The following ZNF391 variants were observed in gnomAD, a reference collection of about 807,000 sequenced individuals.
The protein encoded by ZNF391 is zinc finger protein 391.
For missense variants in ZNF391, 375 were observed against 425.5 expected (o/e 0.88, Z 1.04); for synonymous variants, 126 against 142.1 (o/e 0.89, Z 0.80).
rs1347168259 is a variant in ZNF391 at position 27,401,027 on chromosome 6, G to C, written c.657G>C (p.Arg219Ser). Residue 219 changes from arginine (R) to serine (S), a missense_variant, in exon 3 of 3, where the codon AGG (arginine) becomes AGC (serine). Physicochemically the swap from Arg to Ser is moderately radical, Grantham distance 110 (BLOSUM62 -1). Coordinates refer to ENST00000244576, the MANE Select transcript of ZNF391 (RefSeq NM_001076781.3). ...SQHQRTHTQE[R>S]PYKCNECGKA... Reference sequence around the variant, plus strand: ...ATCAGCGAACTCATACTCAAGAAAGGCCTTACAAATGTAATGAATGTGGGA... The same window carrying C: ...ATCAGCGAACTCATACTCAAGAAAGCCCTTACAAATGTAATGAATGTGGGA... 1 of 1,614,048 alleles carries C rather than the reference G, an allele frequency of 6.2e-7. No individual in the cohort carries two copies. Among genetic ancestry groups the C allele is most frequent in the Non-Finnish European group, 8.5e-7 (1 of 1,180,040 alleles).
At chr6:27,397,370 T>C (rs1761850277) in intron 1 of ZNF391, among the ~76,000 whole-genome samples, 1 of 152,028 alleles carries the variant, frequency 6.6e-6, no homozygotes, top group Non-Finnish European at 1.5e-5. Context: ...GCTAAACCAA[T>C]CAGGAGGAAA....
Position 27,400,496 on chromosome 6 carries a change from G to A in ZNF391, c.126G>A (p.Val42=). Residue 42 remains valine (V), a synonymous_variant, in exon 3 of 3, where the codon GTG becomes GTA. Transcript: ENST00000244576. ...AGAAATCCTCTTTTGAGAACACAGT[G>A]GTCAGAAAAGTGTCAGTGACACTCA... ...AQKKSSFENT[V]VRKVSVTLKE... 6.2e-7 allele frequency: 1 copy of A among 1,614,136 alleles called. No homozygotes were observed. The highest frequency in any genetic ancestry group is 1.7e-5 in the Admixed American group (1 of 60,016).
chr6:27,393,203 G>A (rs1013480125), intron 1 of ZNF391, among the ~76,000 whole-genome samples: 4 of 152,156 alleles, frequency 2.6e-5, no homozygotes, highest in Non-Finnish European at 5.9e-5. Context: ...TTGAATATGT[G>A]TCTCCACCAA....
intron 1 of ZNF391, among the ~76,000 whole-genome samples, chr6:27,375,384 A>G (rs1350547570): frequency 1.3e-5 from 2 of 152,214 alleles, no homozygotes; most frequent in Non-Finnish European, 2.9e-5. Context: ...TGACACCTCC[A>G]CTGTGACTAG....
At chr6:27,400,213 G>T in intron 2 of ZNF391, 80 bp from the exon 3 acceptor site, 4 of 590,556 alleles carry the variant, frequency 6.8e-6, no homozygotes, top group Middle Eastern at 4.5e-4. Context: ...ATTCAAATTA[G>T]TTGTCTTTTC....
At chr6:27,398,062 C>T (rs1372761110) in intron 1 of ZNF391, among the ~76,000 whole-genome samples, 1 of 152,184 alleles carries the variant, frequency 6.6e-6, no homozygotes, top group Non-Finnish European at 1.5e-5. Context: ...CAGACAGCAT[C>T]ATCCTGTTAC....
Position 27,389,019 on chromosome 6 carries a change from G to C in ZNF391, c.-244G>C. The stretch of plus-strand genomic sequence containing the variant: ...GTGCGGGACCCGCCCGGGGTGTGTC[G>C]GGGGTACTCGGCCGGAGGCGGCCGG... On this transcript the variant is annotated 5_prime_UTR_variant, in exon 1 of 3. Transcript: ENST00000244576. The C allele has an allele frequency of 2.2e-6, 1 of 456,280 alleles. No homozygotes were observed. Among genetic ancestry groups the C allele is most frequent in the Non-Finnish European group, 4.4e-6 (1 of 226,812 alleles). The allele number at this position is 456,280 out of a possible 1,614,324, so 28.3% of individuals were successfully genotyped here. A position where few individuals can be genotyped will look rare whatever the true frequency, so the allele number is the denominator to read the frequency against.
At chr6:27,396,191 TATC>T (rs1372682188) in intron 1 of ZNF391, among the ~76,000 whole-genome samples, 1 of 152,180 alleles carries the variant, frequency 6.6e-6, no homozygotes, top group Admixed American at 6.5e-5. Context: ...ATTTCAAAAG[TATC>T]AATATGTTAC....
chr6:27,386,943 A>G (rs1446083951), upstream of ZNF391, among the ~76,000 whole-genome samples: 3 of 149,694 alleles, frequency 2.0e-5, no homozygotes, highest in African/African-American at 7.4e-5. Flanking sequence ...AACTTCACAG[A>G]CTGGGAGAAA....
intron 1 of ZNF391, among the ~76,000 whole-genome samples, chr6:27,383,438 A>C (rs1217120227): frequency 6.6e-6 from 1 of 152,206 alleles, no homozygotes; most frequent in Non-Finnish European, 1.5e-5. Context: ...GGTCAATTTG[A>C]GTCACTATAA....
chr6:27,401,372 A>G lies in ZNF391; in HGVS notation c.1002A>G (p.Lys334=). Residue 334 remains lysine (K), a synonymous_variant, in exon 3 of 3, where the codon AAA becomes AAG. Transcript: ENST00000244576. ...CTCATACCGGGGAGAAGCCGTACAA[A>G]TGTAATGACTGTGGAAAAGCCTTCT... The part of the protein sequence containing the change: ...QRTHTGEKPY[K]CNDCGKAFCQ... 6.2e-7 allele frequency: 1 copy of G among 1,613,972 alleles called. No individual in the cohort carries two copies. The highest frequency in any genetic ancestry group is 8.5e-7 in the Non-Finnish European group (1 of 1,180,034).
intron 1 of ZNF391, among the ~76,000 whole-genome samples, chr6:27,379,696 A>G (rs947051152): frequency 3.3e-5 from 5 of 152,240 alleles, no homozygotes; most frequent in Non-Finnish European, 5.9e-5. Context: ...TGCTTCTAGC[A>G]GAGGGAATGA....
chr6:27,381,208 C>T (rs1483990573), intron 1 of ZNF391, among the ~76,000 whole-genome samples: 1 of 152,238 alleles, frequency 6.6e-6, no homozygotes, highest in Admixed American at 6.5e-5. Flanking sequence ...CCGAGGCCTG[C>T]GCCGCGGGAA....
chr6:27,388,697 T>A, upstream of ZNF391: 1 of 332,064 alleles, frequency 3.0e-6, no homozygotes, highest in Admixed American at 4.8e-5. Context: ...ACAGCCCTGC[T>A]GTAGCTGGCT....
chr6:27,377,147 G>A (rs990779495), intron 1 of ZNF391, among the ~76,000 whole-genome samples: 6 of 151,902 alleles, frequency 3.9e-5, no homozygotes, highest in African/African-American at 1.5e-4. Flanking sequence ...AAGCAGGATT[G>A]GAAAAATATA....
At chr6:27,388,246 A>T (rs1435092681), upstream of ZNF391, among the ~76,000 whole-genome samples, 3 of 152,226 alleles carry the variant, frequency 2.0e-5, no homozygotes, top group Non-Finnish European at 4.4e-5. Context: ...CTGGAATTTT[A>T]AAAAATCTAC....
chr6:27,399,478 T>G lies in ZNF391; in HGVS notation c.-151T>G, dbSNP rs1278618668. 6.6e-6 allele frequency: 1 copy of G among 152,184 alleles called. No homozygotes were observed. Among genetic ancestry groups the G allele is most frequent in the Non-Finnish European group, 1.5e-5 (1 of 68,040 alleles). 9.4% of individuals were successfully genotyped at this position (152,184 alleles called of 1,614,324 possible). On this transcript the variant is annotated 5_prime_UTR_variant, in exon 2 of 3. Coordinates refer to ENST00000244576, the MANE Select transcript of ZNF391 (RefSeq NM_001076781.3). ...TGTTAATTGAACTTGATCACCCAGT[T>G]GAAGGAAGAATAATAGTAGATGTTG...
rs756223541 is a variant in ZNF391, at chr6:27,401,076, A to G, written c.706A>G (p.Ile236Val). 1.1e-5 allele frequency: 17 copies of G among 1,614,052 alleles called. 1 individual carries two copies. Among genetic ancestry groups the G allele is most frequent in the Non-Finnish European group, 1.2e-5 (14 of 1,180,032 alleles). ...GAAAGCCTTCGGTGACCGTTCAACC[A>G]TAATTCAGCATCAACGAATACACAC... ...CGKAFGDRST[I>V]IQHQRIHTGE... Residue 236 changes from isoleucine (I) to valine (V), a missense_variant, in exon 3 of 3, where the codon ATA becomes GTA. Ile to Val is a conservative substitution (Grantham distance 29). Coordinates refer to ENST00000244576, the MANE Select transcript of ZNF391 (RefSeq NM_001076781.3).
rs1205205592 is a variant in ZNF391 at position 27,388,842 on chromosome 6, T to C, written c.-421T>C. ...TGCCCAGACAATGACTGGTCCCGCA[T>C]ACCGAGCAGAGCATGATCAGCAGCA... On this transcript the variant is annotated 5_prime_UTR_variant, in exon 1 of 3. Transcript: ENST00000244576. The C allele has an allele frequency of 2.3e-6, 1 of 443,156 alleles. No homozygotes were observed. The highest frequency in any genetic ancestry group is 4.5e-6 in the Non-Finnish European group (1 of 223,564). The allele number at this position is 443,156 out of a possible 1,614,324, so 27.5% of individuals were successfully genotyped here.
Sources: allele counts gnomAD v4.1 joint callset (sites outside exome capture counted in the v4.1 genomes callset), GRCh38; gene constraint gnomAD v4.1.1; transcripts MANE v1.5; gene names NCBI Gene and HGNC (gene_info 2026-07-23, HGNC 2026-07-21).